IMPG2: variants seen among roughly 807,000 people sequenced by gnomAD.
IMPG2 encodes the protein IPM 200.
Under a neutral mutation model 129.2 loss-of-function variants are expected in IMPG2, and 91 were observed. The observed-to-expected ratio is 0.70, with a 90% CI of 0.59 to 0.84. The LOEUF is 0.84. IMPG2 is among the 40% of genes least tolerant of loss of function. The pLI, the probability that IMPG2 is intolerant of heterozygous loss-of-function variation, is 0.00. For missense variants in IMPG2, 1,430 were observed against 1,461.7 expected (o/e 0.98, Z 0.35); for synonymous variants, 510 against 517.7 (o/e 0.99, Z 0.20).
chr3:101,274,022 C>T (rs989003226), intron 6 of IMPG2, among the ~76,000 whole-genome samples: 7 of 151,920 alleles, frequency 4.6e-5, no homozygotes, highest in Non-Finnish European at 8.8e-5. Flanking sequence ...ACTGAAACCC[C>T]ATCTCTACTA....
At chr3:101,242,618 T>C in intron 14 of IMPG2, 70 bp downstream of exon 14, 1 of 1,152,612 alleles carries the variant, frequency 8.7e-7, no homozygotes, top group Non-Finnish European at 1.3e-6. Flanking sequence ...CTTAATGCAA[T>C]GAGGAAGAAA....
intron 8 of IMPG2, among the ~76,000 whole-genome samples, chr3:101,268,557 T>C (rs1706745286): frequency 6.6e-6 from 1 of 152,140 alleles, no homozygotes; most frequent in African/African-American, 2.4e-5. Context: ...TATTGGAAAA[T>C]ATGAGCATAG....
intron 2 of IMPG2, 129 bp downstream of exon 2, chr3:101,319,455 A>G (rs1300831664): frequency 2.8e-6 from 3 of 1,073,674 alleles, no homozygotes; most frequent in Non-Finnish European, 4.3e-6. Context: ...TATTCTTAGC[A>G]GTAGAAAGGT....
intron 4 of IMPG2, among the ~76,000 whole-genome samples, chr3:101,290,834 T>C (rs1706999162): frequency 6.6e-6 from 1 of 152,196 alleles, no homozygotes; most frequent in African/African-American, 2.4e-5. Flanking sequence ...TTCTGAACTA[T>C]GACCTGGATT....
At chr3:101,230,893 A>C in intron 16 of IMPG2, 64 bp downstream of exon 16, 9 of 1,421,842 alleles carry the variant, frequency 6.3e-6, no homozygotes, top group Non-Finnish European at 8.9e-6. Context: ...GGCACCTGGT[A>C]AGTACTAAAT....
In IMPG2 at chr3:101,257,698, A is replaced by C. The variant is rs982833917; in HGVS notation, c.984T>G (p.Leu328=). ...ISNTTWDLIS[L]HSNKVENHGL... ...CATGGTTTTCCACCTTGTTGGAGTG[A>C]AGGCTAATGAGGTCCCAGGTGGTAT... Residue 328 remains leucine, a synonymous_variant, in exon 10 of 19, where the codon CTT becomes CTG. Coordinates refer to ENST00000193391, the MANE Select transcript of IMPG2 (RefSeq NM_016247.4). 1 of 1,613,360 alleles carries C rather than the reference A, an allele frequency of 6.2e-7. No homozygotes were observed. The highest frequency in any genetic ancestry group is 1.3e-5 in the African/African-American group (1 of 74,896).
chr3:101,231,727 C>T (rs1706290236), intron 15 of IMPG2, among the ~76,000 whole-genome samples: 1 of 152,170 alleles, frequency 6.6e-6, no homozygotes, highest in South Asian at 2.1e-4. Flanking sequence ...CAACATTTGC[C>T]CATTTTGACC....
chr3:101,267,374 C>T (rs922209604), intron 9 of IMPG2, 137 bp downstream of exon 9: 7 of 779,372 alleles, frequency 9.0e-6, no homozygotes, highest in African/African-American at 8.7e-5. Flanking sequence ...GTTTGACAAA[C>T]CCTGATCTGA....
Position 101,242,843 on chromosome 3 carries a change from T to C in IMPG2, c.2867A>G (p.Asn956Ser), listed in dbSNP as rs757506349. The change falls in exon 14 of 19, where the codon AAT (asparagine) becomes AGT (serine). Residue 956 changes from asparagine to serine, a missense_variant. Asn to Ser is a conservative substitution (Grantham distance 46, BLOSUM62 1). Coordinates refer to ENST00000193391, the MANE Select transcript of IMPG2 (RefSeq NM_016247.4). ...TCGACTGTTCACCACAATGCTGCCA[T>C]TTCTGAAGTTGAGGATTTCTAAGTT... ...FQNLEILNFRNGSIVVNSRMK... is the reference protein window; with the variant it reads ...FQNLEILNFRSGSIVVNSRMK... 8 of 1,614,056 alleles carry C rather than the reference T, an allele frequency of 5.0e-6. No homozygotes were observed. The South Asian group carries it at 8.8e-5, about 18-fold the overall frequency.
chr3:101,243,789 C>T lies in IMPG2; in HGVS notation c.2542G>A (p.Asp848Asn). 8 of 1,614,116 alleles carry T rather than the reference C, an allele frequency of 5.0e-6. No homozygotes were observed. Among genetic ancestry groups the T allele is most frequent in the South Asian group, 3.3e-5 (3 of 91,074 alleles). The change falls in exon 13 of 19, where the codon GAT (aspartate) becomes AAT (asparagine). Residue 848 changes from aspartate to asparagine, a missense_variant. Physicochemically the swap from Asp to Asn is conservative, Grantham distance 23. Transcript: ENST00000193391. ...TGGACTTGCTCAGGCTGATAGTAAT[C>T]TGTGCCTATCCGGTCCAGTTCTAAC... is the stretch of plus-strand genomic sequence containing the variant. ...ISLELDRIGT[D>N]YYQPEQVQEQ...
chr3:101,265,992 A>G (rs1264245742), intron 9 of IMPG2, among the ~76,000 whole-genome samples: 1 of 152,220 alleles, frequency 6.6e-6, no homozygotes, highest in Non-Finnish European at 1.5e-5. Flanking sequence ...AATCAAAACC[A>G]AAATGAAGTA....
At chr3:101,238,153 T>G (rs1380018097) in intron 14 of IMPG2, among the ~76,000 whole-genome samples, 1 of 151,710 alleles carries the variant, frequency 6.6e-6, no homozygotes, top group African/African-American at 2.4e-5. Flanking sequence ...AAATAAAGCA[T>G]GAAGACAAGG....
chr3:101,245,525 T>A (rs1037552561), intron 12 of IMPG2, among the ~76,000 whole-genome samples: 4 of 152,198 alleles, frequency 2.6e-5, no homozygotes, highest in African/African-American at 9.7e-5. Context: ...GTAGCAGTAA[T>A]TTAACTAAAC....
At chr3:101,231,170 G>A (rs368858737) in intron 15 of IMPG2, 25 bp from the exon 16 acceptor site, 28 of 1,609,786 alleles carry the variant, frequency 1.7e-5, no homozygotes, top group African/African-American at 1.2e-4. Flanking sequence ...CACCAAGTCC[G>A]ATATCTGAAT....
At chr3:101,253,356 G>A (rs1706564994) in intron 11 of IMPG2, among the ~76,000 whole-genome samples, 2 of 152,120 alleles carry the variant, frequency 1.3e-5, no homozygotes, top group Non-Finnish European at 2.9e-5. Flanking sequence ...AATTTATCAT[G>A]TTGGCTATAA....
At chr3:101,284,329 A>G (rs1213981520) in intron 4 of IMPG2, among the ~76,000 whole-genome samples, 2 of 152,198 alleles carry the variant, frequency 1.3e-5, no homozygotes, top group Non-Finnish European at 2.9e-5. Context: ...ACATTGCATC[A>G]GATTGTTTGA....
rs758769224 is a variant in IMPG2, at chr3:101,242,788, G to A, written c.2922C>T (p.Asn974=). ...RMKFANSVPP[N]VNNAVYMILE... Reference sequence around the variant, plus strand: ...GAATCATGTACACCGCATTGTTGACGTTAGGAGGGACAGAATTGGCAAACT... The same window carrying A: ...GAATCATGTACACCGCATTGTTGACATTAGGAGGGACAGAATTGGCAAACT... The change falls in exon 14 of 19, where the codon AAC becomes AAT. Residue 974 remains asparagine, a synonymous_variant. Coordinates refer to ENST00000193391, the MANE Select transcript of IMPG2 (RefSeq NM_016247.4). 106 of 1,613,736 alleles carry A rather than the reference G, an allele frequency of 6.6e-5. No individual in the cohort carries two copies. Among genetic ancestry groups the A allele is most frequent in the East Asian group, 1.1e-4 (5 of 44,874 alleles).
At chr3:101,229,086 G>T (rs1171328204) in intron 17 of IMPG2, among the ~76,000 whole-genome samples, 1 of 146,242 alleles carries the variant, frequency 6.8e-6, no homozygotes, top group Non-Finnish European at 1.5e-5. Context: ...CTCTAAATCA[G>T]ACATATTTCT....
intron 4 of IMPG2, among the ~76,000 whole-genome samples, chr3:101,282,175 C>T (rs1576762405): frequency 6.6e-6 from 1 of 151,996 alleles, no homozygotes; most frequent in African/African-American, 2.4e-5. Flanking sequence ...AAAATATTTG[C>T]TGAAAAAAAT....
Sources: allele counts gnomAD v4.1 joint callset (sites outside exome capture counted in the v4.1 genomes callset), GRCh38; gene constraint gnomAD v4.1.1; transcripts MANE v1.5; gene names NCBI Gene and HGNC (gene_info 2026-07-23, HGNC 2026-07-21).